Variants in EHBP1 observed in about 807,000 individuals in gnomAD.
The protein encoded by EHBP1 is EH domain-binding protein 1.
Under a neutral mutation model 144.0 loss-of-function variants are expected in EHBP1, and 55 were observed. That is an observed-to-expected ratio of 0.38 (90% CI 0.31 to 0.48). The LOEUF is 0.48. Among genes scored for constraint, EHBP1 ranks in the 20% least tolerant of loss-of-function variants. The probability of loss-of-function intolerance (pLI) is 0.98; values close to 1 mark genes in which losing one functional copy is unlikely to be tolerated. For missense variants in EHBP1, 1,200 were observed against 1,364.2 expected, an observed-to-expected ratio of 0.88 and a Z score of 1.90; for synonymous variants, 469 against 472.7, an observed-to-expected ratio of 0.99 and a Z score of 0.10.
At chr2:62,939,254 GATGGAA>G (rs1358761291) in intron 10 of EHBP1, among the ~76,000 whole-genome samples, 1 of 152,076 alleles carries the variant, frequency 6.6e-6, no homozygotes, top group African/African-American at 2.4e-5. Context: ...GGGGTTGGAT[GATGGAA>G]ATGGATTGCT....
chr2:63,038,777 CT>C lies in EHBP1; in HGVS notation c.3239del (p.Leu1080ArgfsTer2). ...ACATGATTTAGAACGACGGTATGAGCTGCTGAACCGGGAATTGAGGGCAATG... is the reference window on the plus strand; with the variant it reads ...ACATGATTTAGAACGACGGTATGAGCGCTGAACCGGGAATTGAGGGCAATG... ...KEHDLERRYELLNRELRAMLA... is the reference protein window; with the variant it reads ...KEHDLERRYEXLNRELRAMLA... On this transcript the variant is annotated frameshift_variant, in exon 21 of 23. Coordinates refer to ENST00000431489, the MANE Select transcript of EHBP1 (RefSeq NM_001142616.3). LOFTEE classifies it high-confidence loss of function. 6.2e-7 allele frequency: 1 copy of C among 1,613,464 alleles called. No homozygotes were observed. The highest frequency in any genetic ancestry group is 8.5e-7 in the Non-Finnish European group (1 of 1,179,546).
chr2:62,756,405 T>G (rs1396171059), intron 3 of EHBP1, among the ~76,000 whole-genome samples: 1 of 152,246 alleles, frequency 6.6e-6, no homozygotes, highest in South Asian at 2.1e-4. Flanking sequence ...ATCATTGTGA[T>G]TTCTCTTGAA....
chr2:62,753,212 C>G (rs892578882), intron 3 of EHBP1, among the ~76,000 whole-genome samples: 1 of 152,210 alleles, frequency 6.6e-6, no homozygotes, highest in African/African-American at 2.4e-5. Flanking sequence ...GACAAAATCT[C>G]TCAGCATTTG....
intron 5 of EHBP1, among the ~76,000 whole-genome samples, chr2:62,802,385 A>G (rs1442988645): frequency 6.6e-6 from 1 of 152,182 alleles, no homozygotes; most frequent in Non-Finnish European, 1.5e-5. Flanking sequence ...AGCCTCTCAC[A>G]ACAAAGAAGA....
At chr2:62,710,870 A>G (rs1031158943) in intron 2 of EHBP1, among the ~76,000 whole-genome samples, 3 of 152,214 alleles carry the variant, frequency 2.0e-5, no homozygotes, top group African/African-American at 7.2e-5. Flanking sequence ...ATTAAGAAGT[A>G]TTAATTTCAG....
At chr2:62,983,708 A>G (rs1315532177) in intron 15 of EHBP1, among the ~76,000 whole-genome samples, 1 of 152,018 alleles carries the variant, frequency 6.6e-6, no homozygotes, top group African/African-American at 2.4e-5. Flanking sequence ...TGCCCAGCTA[A>G]TTTTTGTATT....
At chr2:63,014,954 G>C (rs1214940660) in intron 19 of EHBP1, among the ~76,000 whole-genome samples, 4 of 152,044 alleles carry the variant, frequency 2.6e-5, no homozygotes, top group Non-Finnish European at 4.4e-5. Flanking sequence ...CTCCAACCGG[G>C]GCAACAAGAG....
intron 10 of EHBP1, among the ~76,000 whole-genome samples, chr2:62,936,280 G>A (rs552188572): frequency 2.4e-4 from 37 of 152,208 alleles, no homozygotes; most frequent in South Asian, 1.5e-3. Flanking sequence ...TTCTTTAACA[G>A]TTATAGAACT....
intron 10 of EHBP1, among the ~76,000 whole-genome samples, chr2:62,882,524 A>G (rs911126892): frequency 6.6e-6 from 1 of 152,198 alleles, no homozygotes; most frequent in African/African-American, 2.4e-5. Context: ...CCTACTTCCT[A>G]TACCATTCCT....
chr2:62,883,931 C>CT (rs2051695701), intron 10 of EHBP1, among the ~76,000 whole-genome samples: 1 of 152,090 alleles, frequency 6.6e-6, no homozygotes, highest in Admixed American at 6.5e-5. Context: ...TGATGCGTCA[C>CT]TGCACTCCAG....
intron 10 of EHBP1, among the ~76,000 whole-genome samples, chr2:62,906,078 C>G (rs2053790064): frequency 6.6e-6 from 1 of 150,790 alleles, no homozygotes; most frequent in Non-Finnish European, 1.5e-5. Context: ...ATAATTTTAG[C>G]TTTCACATTT....
At chr2:63,027,986 C>G (rs1250322826) in intron 19 of EHBP1, among the ~76,000 whole-genome samples, 1 of 152,092 alleles carries the variant, frequency 6.6e-6, no homozygotes, top group Non-Finnish European at 1.5e-5. Context: ...TTGCCTTGAA[C>G]TCTTGGGCTC....
chr2:62,996,238 C>G (rs1574407004), intron 18 of EHBP1, among the ~76,000 whole-genome samples: 2 of 152,050 alleles, frequency 1.3e-5, no homozygotes. Context: ...CTTACTAGAA[C>G]TCCATTTTTG....
chr2:62,729,047 C>T (rs754069467), intron 2 of EHBP1, among the ~76,000 whole-genome samples: 4 of 151,564 alleles, frequency 2.6e-5, no homozygotes, highest in African/African-American at 4.8e-5. Context: ...TTTGCATGAA[C>T]GTGCAGATAT....
chr2:62,727,639 TC>T (rs1237694861), intron 2 of EHBP1, among the ~76,000 whole-genome samples: 1 of 152,192 alleles, frequency 6.6e-6, no homozygotes, highest in Non-Finnish European at 1.5e-5. Context: ...AATACTTCAT[TC>T]CTTTTTATTG....
chr2:62,836,110 G>C (rs2047222852), intron 7 of EHBP1, among the ~76,000 whole-genome samples: 2 of 152,136 alleles, frequency 1.3e-5, no homozygotes, highest in African/African-American at 2.4e-5. Context: ...GCTTTGAAGA[G>C]AGCAGTGGTT....
At chr2:63,003,418 G>A (rs1302894005) in intron 19 of EHBP1, among the ~76,000 whole-genome samples, 1 of 151,994 alleles carries the variant, frequency 6.6e-6, no homozygotes, top group Admixed American at 6.6e-5. Context: ...ACACAGAGCC[G>A]TTCACAGCGC....
intron 4 of EHBP1, among the ~76,000 whole-genome samples, chr2:62,766,109 A>T (rs1274543375): frequency 6.6e-6 from 1 of 152,148 alleles, no homozygotes; most frequent in African/African-American, 2.4e-5. Context: ...TACAGCTCAA[A>T]CTCAGCCAGC....
chr2:62,889,021 T>G (rs1197537923), intron 10 of EHBP1, among the ~76,000 whole-genome samples: 1 of 149,298 alleles, frequency 6.7e-6, no homozygotes, highest in African/African-American at 2.4e-5. Context: ...GAAGAGTGTC[T>G]TCATAAATTT....
Sources: allele counts gnomAD v4.1 joint callset (sites outside exome capture counted in the v4.1 genomes callset), GRCh38; gene constraint gnomAD v4.1.1; transcripts MANE v1.5; gene names NCBI Gene and HGNC (gene_info 2026-07-23, HGNC 2026-07-21).